The following CHD9 variants were observed in gnomAD, a reference collection of about 807,000 sequenced individuals.
CHD9 encodes ATP-dependent chromatin remodeler CHD9.
CHD9 carries 77 observed loss-of-function variants against 316.1 expected under a neutral mutation model. The ratio of observed to expected loss-of-function variants is 0.24; its 90% CI spans 0.20 to 0.29. The LOEUF (loss-of-function observed/expected upper bound fraction) is 0.29. CHD9 is among the 10% of genes least tolerant of loss of function. The probability of loss-of-function intolerance (pLI) is 1.00; values close to 1 mark genes in which losing one functional copy is unlikely to be tolerated. For missense variants in CHD9, 2,763 were observed against 3,438.1 expected (o/e 0.80, Z 4.91); for synonymous variants, 1,129 against 1,158.3 (o/e 0.97, Z 0.51).
intron 2 of CHD9, among the ~76,000 whole-genome samples, chr16:53,198,493 A>G (rs1459785864): frequency 6.7e-6 from 1 of 150,230 alleles, no homozygotes; most frequent in African/African-American, 2.5e-5. Flanking sequence ...CACCCGGCTA[A>G]TTTTTTGTAT....
intron 1 of CHD9, among the ~76,000 whole-genome samples, chr16:53,120,352 G>A (rs376007580): frequency 2.0e-5 from 3 of 152,198 alleles, no homozygotes; most frequent in African/African-American, 7.2e-5. Context: ...GGTGGCTCAC[G>A]CCTGTAATCC....
At chr16:53,145,371 G>A (rs1232867311) in intron 1 of CHD9, among the ~76,000 whole-genome samples, 1 of 150,950 alleles carries the variant, frequency 6.6e-6, no homozygotes, top group Non-Finnish European at 1.5e-5. Context: ...GGCTGGTCTC[G>A]AACTACCGAC....
At chr16:53,256,049 A>C (rs1406544921) in intron 19 of CHD9, among the ~76,000 whole-genome samples, 1 of 152,240 alleles carries the variant, frequency 6.6e-6, no homozygotes, top group East Asian at 1.9e-4. Context: ...TAGAAACTAA[A>C]CATCTGTATA....
chr16:53,246,026 T>C (rs1192026290), intron 15 of CHD9, among the ~76,000 whole-genome samples, 176 bp downstream of exon 15: 1 of 152,220 alleles, frequency 6.6e-6, no homozygotes, highest in East Asian at 1.9e-4. Flanking sequence ...CAGTGACTGA[T>C]GTTAACACAC....
intron 1 of CHD9, among the ~76,000 whole-genome samples, chr16:53,064,297 C>G (rs543273313): frequency 2.6e-5 from 4 of 152,286 alleles, no homozygotes; most frequent in African/African-American, 7.2e-5. Flanking sequence ...GTTGCATGTT[C>G]TTGGCCTCTT....
At chr16:53,226,561 A>T (rs942470223) in intron 5 of CHD9, 49 bp downstream of exon 5, 18 of 1,556,370 alleles carry the variant, frequency 1.2e-5, no homozygotes, top group Middle Eastern at 3.4e-4. Flanking sequence ...ACCGACATAA[A>T]TTCTATAAAT....
chr16:53,103,746 A>G (rs1386994660), intron 1 of CHD9, among the ~76,000 whole-genome samples: 2 of 152,188 alleles, frequency 1.3e-5, no homozygotes, highest in East Asian at 3.8e-4. Flanking sequence ...TGTTTTGTAC[A>G]TACCTAACAT....
intron 1 of CHD9, among the ~76,000 whole-genome samples, chr16:53,127,640 A>C (rs1021159069): frequency 6.6e-6 from 1 of 151,898 alleles, no homozygotes; most frequent in Non-Finnish European, 1.5e-5. Context: ...TCCCTTTCTC[A>C]ACGGGCACAG....
At chr16:53,127,952 A>C (rs1329686769) in intron 1 of CHD9, among the ~76,000 whole-genome samples, 1 of 151,764 alleles carries the variant, frequency 6.6e-6, no homozygotes, top group East Asian at 1.9e-4. Flanking sequence ...AAAAAAAAAA[A>C]AAAAAAAGCC....
At chr16:53,252,970 C>T (rs1299720559) in intron 17 of CHD9, among the ~76,000 whole-genome samples, 1 of 152,150 alleles carries the variant, frequency 6.6e-6, no homozygotes, top group African/African-American at 2.4e-5. Context: ...CTAGTACAGC[C>T]ACTATGGAAA....
intron 1 of CHD9, among the ~76,000 whole-genome samples, chr16:53,122,986 G>A (rs1186816666): frequency 6.6e-6 from 1 of 150,990 alleles, no homozygotes; most frequent in Admixed American, 6.6e-5. Flanking sequence ...CAAAGTGCTG[G>A]GATTACAGGA....
intron 16 of CHD9, among the ~76,000 whole-genome samples, chr16:53,248,593 AT>A (rs953955370): frequency 1.2e-3 from 160 of 133,124 alleles, no homozygotes; most frequent in African/African-American, 4.1e-3. Context: ...TGGTGTGATC[AT>A]AGCTCATTGC....
rs148338410 is a variant in CHD9 at position 53,091,611 on chromosome 16, T to A, written c.-165+36534T>A. On this transcript the variant is annotated intron_variant, in intron 1 of 38. Coordinates refer to ENST00000447540, the MANE Select transcript of CHD9 (RefSeq NM_001308319.2). ...CAAACTGGTTTGGTTTCCTGCAAACTCCTTTTGGACAAGGACTCTGTCTCA... is the reference window on the plus strand; with the variant it reads ...CAAACTGGTTTGGTTTCCTGCAAACACCTTTTGGACAAGGACTCTGTCTCA... Among the ~76,000 whole-genome samples the A allele has an allele frequency of 1.0e-3, 154 of 152,296 alleles. 1 individual carries two copies. The highest frequency in any genetic ancestry group is 3.4e-3 in the African/African-American group (143 of 41,570).
chr16:53,188,031 A>G (rs755436610), intron 2 of CHD9, among the ~76,000 whole-genome samples: 1 of 152,218 alleles, frequency 6.6e-6, no homozygotes, highest in Non-Finnish European at 1.5e-5. Flanking sequence ...ACCCTAGGCA[A>G]CCACCAATCT....
chr16:53,251,184 AAG>A (rs2050097576), intron 17 of CHD9, among the ~76,000 whole-genome samples: 1 of 152,174 alleles, frequency 6.6e-6, no homozygotes, highest in South Asian at 2.1e-4. Flanking sequence ...ATCCTTTAAA[AAG>A]GTAAAAAAGC....
intron 1 of CHD9, among the ~76,000 whole-genome samples, chr16:53,090,237 A>G (rs2035817599): frequency 6.6e-6 from 1 of 152,202 alleles, no homozygotes. Context: ...AATTACCACT[A>G]AAGCTAGCAT....
intron 1 of CHD9, among the ~76,000 whole-genome samples, chr16:53,061,707 G>A (rs1281408315): frequency 1.3e-5 from 2 of 152,174 alleles, no homozygotes; most frequent in African/African-American, 4.8e-5. Context: ...ATTATTGAGG[G>A]TTGTCTTGCT....
intron 4 of CHD9, among the ~76,000 whole-genome samples, chr16:53,224,936 A>G (rs1386222941): frequency 6.6e-6 from 1 of 152,156 alleles, no homozygotes; most frequent in Non-Finnish European, 1.5e-5. Context: ...TAGAATTTTT[A>G]TATGTCACCA....
chr16:53,209,426 C>T, intron 2 of CHD9, 56 bp from the exon 3 acceptor site: 2 of 1,161,178 alleles, frequency 1.7e-6, no homozygotes, highest in Non-Finnish European at 2.4e-6. Context: ...ATATTTGTGA[C>T]AATTGTTTTA....
Sources: gnomAD v4.1 joint callset for allele counts (sites outside exome capture counted in the v4.1 genomes callset) on GRCh38, gnomAD v4.1.1 for gene constraint, MANE v1.5 for transcripts, NCBI Gene and HGNC (gene_info 2026-07-23, HGNC 2026-07-21) for gene names.